FHIT: variants seen among roughly 807,000 people sequenced by gnomAD.
FHIT encodes bis(5'-adenosyl)-triphosphatase.
A neutral mutation model predicts 17.9 loss-of-function variants in FHIT; 19 were observed. That is an observed-to-expected ratio of 1.06 (90% confidence interval 0.74 to 1.56). FHIT has a LOEUF of 1.56. Among genes scored for constraint, FHIT ranks in the 40% most tolerant of loss-of-function variants. The pLI is 0.00. For missense variants in FHIT, 248 were observed against 189.2 expected (o/e 1.31, Z -1.82); for synonymous variants, 81 against 69.7 (o/e 1.16, Z -0.81).
rs552292876 is a variant in FHIT at position 60,935,950 on chromosome 3, T to TATTAA, written c.-111+106092_-111+106096dup. Among the ~76,000 whole-genome samples the TATTAA allele has an allele frequency of 7.9e-5, 12 of 152,284 alleles. No homozygotes were observed. In the South Asian group the frequency reaches 2.5e-3, roughly 32 times the overall value. ...CACTGAATCATCAATGCGTGGCACA[T>TATTAA]ATTAAATATTTGTTAAGTGAGTAAA... On this transcript the variant is annotated intron_variant, in intron 3 of 9. Coordinates refer to ENST00000492590, the MANE Select transcript of FHIT (RefSeq NM_002012.4).
intron 5 of FHIT, among the ~76,000 whole-genome samples, chr3:60,421,427 T>C (rs1702460918): frequency 6.6e-6 from 1 of 152,196 alleles, no homozygotes. Context: ...ATAGCACAGA[T>C]GTTTTCAGAT....
At chr3:60,494,415 C>G (rs1190163959) in intron 5 of FHIT, among the ~76,000 whole-genome samples, 4 of 143,004 alleles carry the variant, frequency 2.8e-5, no homozygotes, top group African/African-American at 8.3e-5. Context: ...GTAATAATCA[C>G]ATCATGTAAA....
intron 5 of FHIT, among the ~76,000 whole-genome samples, chr3:60,529,600 G>A (rs1375491639): frequency 6.6e-6 from 1 of 152,112 alleles, no homozygotes; most frequent in Non-Finnish European, 1.5e-5. Flanking sequence ...GCAACACCAT[G>A]ACCAGTCTTT....
chr3:60,142,053 C>G (rs1700058989), intron 5 of FHIT, among the ~76,000 whole-genome samples: 1 of 152,126 alleles, frequency 6.6e-6, no homozygotes, highest in African/African-American at 2.4e-5. Context: ...AAAGGTGCAT[C>G]AAGGACACAA....
At chr3:60,684,605 C>T (rs955753337) in intron 4 of FHIT, among the ~76,000 whole-genome samples, 5 of 152,034 alleles carry the variant, frequency 3.3e-5, no homozygotes, top group Admixed American at 6.6e-5. Context: ...CTGTTCTCTC[C>T]GTGCCAGGGT....
At chr3:60,775,597 C>G (rs1553724273) in intron 4 of FHIT, among the ~76,000 whole-genome samples, 2 of 152,210 alleles carry the variant, frequency 1.3e-5, no homozygotes, top group Non-Finnish European at 2.9e-5. Flanking sequence ...CTGTCTTTAA[C>G]TGAACTATGG....
chr3:60,255,228 A>G (rs1489956665), intron 5 of FHIT, among the ~76,000 whole-genome samples: 1 of 152,184 alleles, frequency 6.6e-6, no homozygotes, highest in Non-Finnish European at 1.5e-5. Flanking sequence ...TGAGGTGTAA[A>G]CAACTCTATC....
chr3:59,923,765 G>A (rs1705526079), intron 7 of FHIT, among the ~76,000 whole-genome samples: 1 of 152,084 alleles, frequency 6.6e-6, no homozygotes, highest in Admixed American at 6.5e-5. Context: ...GCTCCAAAAG[G>A]CCTCAAGAGA....
Position 61,135,666 on chromosome 3 carries a change from T to C in FHIT, c.-164+64951A>G, listed in dbSNP as rs1576080411. ...GAATTTCTGGTTTTACTAGAGAATTTAGTTTATTTATCTTCCCTGTCTATT... is the reference window on the plus strand; with the variant it reads ...GAATTTCTGGTTTTACTAGAGAATTCAGTTTATTTATCTTCCCTGTCTATT... On this transcript the variant is annotated intron_variant, in intron 2 of 9. Coordinates refer to ENST00000492590, the MANE Select transcript of FHIT (RefSeq NM_002012.4). Among the ~76,000 whole-genome samples, 4 of 152,202 alleles carry C rather than the reference T, an allele frequency of 2.6e-5. No individual in the cohort carries two copies. In the South Asian group the frequency reaches 8.3e-4, roughly 32 times the overall value.
intron 2 of FHIT, among the ~76,000 whole-genome samples, chr3:61,161,757 T>C (rs746991649): frequency 2.6e-5 from 4 of 152,164 alleles, no homozygotes; most frequent in Non-Finnish European, 4.4e-5. Flanking sequence ...AAAAAGACTC[T>C]CTAGCTAGAG....
chr3:60,630,944 AAAAAAAAAAAAACAC>A (rs1351902964), intron 4 of FHIT, among the ~76,000 whole-genome samples: 9 of 106,528 alleles, frequency 8.4e-5, no homozygotes, highest in African/African-American at 3.0e-4. Flanking sequence ...TAAAAAAAAA[AAAAAAAAAAAAACAC>A]ACAGAAATAA....
intron 3 of FHIT, among the ~76,000 whole-genome samples, chr3:60,846,681 G>A (rs1374854813): frequency 6.6e-6 from 1 of 152,148 alleles, no homozygotes; most frequent in Non-Finnish European, 1.5e-5. Flanking sequence ...CCACCTCTGA[G>A]TTTTTATCAG....
chr3:60,109,444 T>A (rs1457109306), intron 5 of FHIT, among the ~76,000 whole-genome samples: 2 of 152,022 alleles, frequency 1.3e-5, no homozygotes, highest in Admixed American at 6.6e-5. Flanking sequence ...GAAAAAAAAA[T>A]TCCATGTCTG....
intron 4 of FHIT, among the ~76,000 whole-genome samples, chr3:60,763,343 G>C (rs954402021): frequency 5.3e-5 from 8 of 152,122 alleles, no homozygotes; most frequent in African/African-American, 2.4e-5. Context: ...AGTCATTATA[G>C]AACATTTGAA....
intron 5 of FHIT, among the ~76,000 whole-genome samples, chr3:60,457,655 T>C (rs2032191675): frequency 6.6e-6 from 1 of 151,804 alleles, no homozygotes; most frequent in South Asian, 2.1e-4. Context: ...ACCTACAGAA[T>C]GGGAGAAAAT....
intron 3 of FHIT, among the ~76,000 whole-genome samples, chr3:60,882,063 T>G (rs1705007405): frequency 6.6e-6 from 1 of 151,992 alleles, no homozygotes; most frequent in Admixed American, 6.6e-5. Flanking sequence ...ACCTTACAAC[T>G]GATAACCCAC....
intron 5 of FHIT, among the ~76,000 whole-genome samples, chr3:60,088,898 T>G (rs1460600363): frequency 6.6e-6 from 1 of 152,136 alleles, no homozygotes; most frequent in Non-Finnish European, 1.5e-5. Flanking sequence ...AAATATTTAT[T>G]AAATGAAAAA....
chr3:59,958,059 C>T (rs922405629), intron 7 of FHIT, among the ~76,000 whole-genome samples: 1 of 152,190 alleles, frequency 6.6e-6, no homozygotes, highest in Non-Finnish European at 1.5e-5. Context: ...TATGCAAGAG[C>T]AGGATCTCAA....
At chr3:59,764,905 C>G (rs983663953) in intron 8 of FHIT, among the ~76,000 whole-genome samples, 12 of 56,510 alleles carry the variant, frequency 2.1e-4, no homozygotes, top group African/African-American at 6.0e-4. Context: ...CACACACACA[C>G]ACACACACAC....
Sources: gnomAD v4.1 joint callset for allele counts (sites outside exome capture counted in the v4.1 genomes callset) on GRCh38, gnomAD v4.1.1 for gene constraint, MANE v1.5 for transcripts, NCBI Gene and HGNC (gene_info 2026-07-23, HGNC 2026-07-21) for gene names.